PAK2: variants seen among roughly 807,000 people sequenced by gnomAD.
PAK2 encodes serine/threonine-protein kinase PAK 2.
PAK2 carries 21 observed loss-of-function variants against 65.9 expected under a neutral mutation model. The ratio of observed to expected loss-of-function variants is 0.32; its 90% CI spans 0.23 to 0.46. PAK2 has a LOEUF of 0.46. Among genes scored for constraint, PAK2 ranks in the 20% least tolerant of loss-of-function variants. PAK2 has a pLI of 1.00. For synonymous variants in PAK2, 204 were observed against 219.7 expected (o/e 0.93, Z 0.63); for missense variants, 324 against 642.6 (o/e 0.50, Z 5.36).
intron 1 of PAK2, among the ~76,000 whole-genome samples, chr3:196,750,005 A>T (rs111602457): frequency 0.059 from 4,446 of 75,824 alleles, 92 homozygotes; most frequent in Middle Eastern, 0.11. Context: ...TTTTTTTTTG[A>T]AACAGAGTTT....
intron 1 of PAK2, among the ~76,000 whole-genome samples, chr3:196,767,369 A>C (rs1714204015): frequency 6.6e-6 from 1 of 152,240 alleles, no homozygotes; most frequent in African/African-American, 2.4e-5. Context: ...ATGACTTGAA[A>C]ATTGTAGATT....
At chr3:196,761,591 A>C (rs1713965892) in intron 1 of PAK2, among the ~76,000 whole-genome samples, 1 of 127,242 alleles carries the variant, frequency 7.9e-6, no homozygotes, top group Non-Finnish European at 1.7e-5. Flanking sequence ...CCGATTTCTC[A>C]ATCTTTTCCC....
intron 1 of PAK2, among the ~76,000 whole-genome samples, chr3:196,741,919 TTGGTTTA>T (rs1407345154): frequency 6.6e-6 from 1 of 152,116 alleles, no homozygotes; most frequent in East Asian, 1.9e-4. Context: ...CCTTAGGGCC[TTGGTTTA>T]TGGTTTACTC....
intron 1 of PAK2, among the ~76,000 whole-genome samples, chr3:196,764,208 C>T (rs1420106328): frequency 6.6e-6 from 1 of 152,140 alleles, no homozygotes; most frequent in Non-Finnish European, 1.5e-5. Flanking sequence ...GGTATTTCAA[C>T]TGTGAAGTTT....
chr3:196,783,307 C>T (rs1339753725), intron 2 of PAK2, among the ~76,000 whole-genome samples: 1 of 152,130 alleles, frequency 6.6e-6, no homozygotes, highest in East Asian at 1.9e-4. Context: ...ACTGATGTGT[C>T]CTCAGCAAAA....
rs186999983 is a variant in PAK2 at position 196,788,677 on chromosome 3, G to A, written c.187+5844G>A. ...GCAGTGCACAACATGTGTCCAATCTGCAGTGTCTGGGAAGGCTTCCTAAGG... is the reference window on the plus strand; with the variant it reads ...GCAGTGCACAACATGTGTCCAATCTACAGTGTCTGGGAAGGCTTCCTAAGG... On this transcript the variant is annotated intron_variant, in intron 2 of 14. Coordinates refer to ENST00000327134, the MANE Select transcript of PAK2 (RefSeq NM_002577.4). Among the ~76,000 whole-genome samples, 317 of 152,324 alleles carry A rather than the reference G, an allele frequency of 2.1e-3. 2 individuals are homozygous for A. Among genetic ancestry groups the A allele is most frequent in the Non-Finnish European group, 3.8e-3 (257 of 68,036 alleles).
At chr3:196,767,918 T>C (rs1577708557) in intron 1 of PAK2, among the ~76,000 whole-genome samples, 1 of 152,140 alleles carries the variant, frequency 6.6e-6, no homozygotes, top group Non-Finnish European at 1.5e-5. Flanking sequence ...TGGACTCTGC[T>C]GTTGGTGACT....
intron 1 of PAK2, among the ~76,000 whole-genome samples, chr3:196,744,300 T>G (rs1235617682): frequency 1.3e-5 from 2 of 152,244 alleles, no homozygotes; most frequent in African/African-American, 4.8e-5. Flanking sequence ...TAGTCTCAGC[T>G]GGCAGAACCA....
intron 1 of PAK2, among the ~76,000 whole-genome samples, chr3:196,755,702 C>T (rs138880863): frequency 0.017 from 2,654 of 152,240 alleles, 76 homozygotes; most frequent in African/African-American, 0.061. Flanking sequence ...AGGTGATCCG[C>T]CTGCCTCAGC....
intron 1 of PAK2, among the ~76,000 whole-genome samples, chr3:196,758,577 A>G (rs368011375): frequency 5.8e-4 from 88 of 152,354 alleles, no homozygotes; most frequent in African/African-American, 1.9e-3. Context: ...TGATGCACGC[A>G]CTGTTGGGCT....
In PAK2 at chr3:196,812,127, T is replaced by C. The variant is rs368926366; in HGVS notation, c.774-92T>C. 1.3e-4 allele frequency: 104 copies of C among 792,538 alleles called. No homozygotes were observed. In the African/African-American group the frequency reaches 1.6e-3, roughly 12 times the overall value. The allele number at this position is 792,538 out of a possible 1,614,324, so 49.1% of individuals were successfully genotyped here. On this transcript the variant is annotated intron_variant, in intron 8 of 14. Coordinates refer to ENST00000327134, the MANE Select transcript of PAK2 (RefSeq NM_002577.4). Reference sequence around the variant, plus strand: ...GTTAGGTCATCCTGTTCTTTAATTCTTTTTCAATTGCTTGAAGTGTAAAGT... The same window carrying C: ...GTTAGGTCATCCTGTTCTTTAATTCCTTTTCAATTGCTTGAAGTGTAAAGT...
chr3:196,797,420 G>A (rs1050208938), intron 2 of PAK2, among the ~76,000 whole-genome samples: 2 of 151,896 alleles, frequency 1.3e-5, no homozygotes, highest in Non-Finnish European at 2.9e-5. Context: ...CTGAGGTTGC[G>A]CCACTGCACA....
intron 2 of PAK2, among the ~76,000 whole-genome samples, chr3:196,793,185 GA>G (rs1212371014): frequency 6.6e-6 from 1 of 151,896 alleles, no homozygotes; most frequent in Non-Finnish European, 1.5e-5. Context: ...CCTCCGGAAG[GA>G]AAAAAGAATA....
chr3:196,746,113 G>A (rs1713369979), intron 1 of PAK2, among the ~76,000 whole-genome samples: 1 of 151,872 alleles, frequency 6.6e-6, no homozygotes, highest in East Asian at 1.9e-4. Flanking sequence ...ATGAGCCACC[G>A]TGCCCAGCCC....
In PAK2 at chr3:196,768,723, G is replaced by GGGT. The variant is rs1478108533; in HGVS notation, c.-21-13901_-21-13899dup. ...GCTCTGTCCCTCAGGCTGGAATACG[G>GGGT]GGTGAAATCTCGGCTCACTGCAACC... On this transcript the variant is annotated intron_variant, in intron 1 of 14. Transcript: ENST00000327134. Among the ~76,000 whole-genome samples the GGGT allele has an allele frequency of 4.0e-5, 6 of 151,500 alleles. No individual in the cohort carries two copies. In the East Asian group the frequency reaches 1.2e-3, roughly 29 times the overall value.
intron 1 of PAK2, among the ~76,000 whole-genome samples, chr3:196,770,644 A>G (rs1329082558): frequency 2.6e-5 from 4 of 152,068 alleles, no homozygotes; most frequent in Non-Finnish European, 5.9e-5. Context: ...TATTTTAAAG[A>G]CAGAGTCCAG....
At chr3:196,770,537 TAAAA>T (rs959566454) in intron 1 of PAK2, among the ~76,000 whole-genome samples, 2 of 151,958 alleles carry the variant, frequency 1.3e-5, no homozygotes, top group South Asian at 4.1e-4. Flanking sequence ...CCCCATCTCT[TAAAA>T]AAAGAATTGT....
At chr3:196,746,452 C>T (rs1379863435) in intron 1 of PAK2, among the ~76,000 whole-genome samples, 1 of 152,022 alleles carries the variant, frequency 6.6e-6, no homozygotes, top group Non-Finnish European at 1.5e-5. Context: ...ACCAAAATCC[C>T]ACTCATATTA....
chr3:196,763,325 A>G (rs1051369781), intron 1 of PAK2, among the ~76,000 whole-genome samples: 22 of 152,078 alleles, frequency 1.4e-4, no homozygotes, highest in Non-Finnish European at 2.6e-4. Flanking sequence ...ACCTTCCCCT[A>G]TTGGAGTCTG....
Sources: allele counts gnomAD v4.1 joint callset (sites outside exome capture counted in the v4.1 genomes callset), GRCh38; gene constraint gnomAD v4.1.1; transcripts MANE v1.5; gene names NCBI Gene and HGNC (gene_info 2026-07-23, HGNC 2026-07-21).